The following DLG5 variants were observed in gnomAD, a reference collection of about 807,000 sequenced individuals.
DLG5 encodes the protein disks large homolog 5.
In DLG5, 48 loss-of-function variants were observed where a neutral mutation model predicts 189.8. The observed-to-expected ratio is 0.25, with a 90% CI of 0.20 to 0.32. The LOEUF (loss-of-function observed/expected upper bound fraction) is 0.32. Ranked by LOEUF, DLG5 falls within the 10% of genes least tolerant of loss-of-function variation. The pLI is 1.00. For missense variants in DLG5, 2,160 were observed against 2,544.7 expected, an observed-to-expected ratio of 0.85 and a Z score of 3.25; for synonymous variants, 1,016 against 1,054.1, an observed-to-expected ratio of 0.96 and a Z score of 0.70.
At chr10:77,853,264 G>A (rs1029260726) in intron 5 of DLG5, 90 bp downstream of exon 5, 15 of 1,234,182 alleles carry the variant, frequency 1.2e-5, no homozygotes, top group East Asian at 5.7e-5. Flanking sequence ...CAACGTGCCC[G>A]GCCCAGCATT....
At position 77,796,702 on chromosome 10, in the gene DLG5, C is replaced by T. The variant is rs1359972470; in HGVS notation, c.5165-108G>A. 1.4e-6 allele frequency: 2 copies of T among 1,384,760 alleles called. No homozygotes were observed. The highest frequency in any genetic ancestry group is 2.0e-6 in the Non-Finnish European group (2 of 1,007,464). 85.8% of individuals were successfully genotyped at this position (1,384,760 alleles called of 1,614,324 possible). On this transcript the variant is annotated intron_variant, in intron 27 of 31. Coordinates refer to ENST00000372391, the MANE Select transcript of DLG5 (RefSeq NM_004747.4). This position sits in a 1 kb window ranked among gnomAD's most constrained non-coding sequence, Gnocchi z 5.2. ...CTCGCCCACTCTGGTTTGCCTGGGA[C>T]TCCCCCAGCTTCAGCACTGAAAATC... is the stretch of plus-strand genomic sequence containing the variant.
At chr10:77,846,906 A>T (rs1258958165) in intron 5 of DLG5, among the ~76,000 whole-genome samples, 1 of 152,024 alleles carries the variant, frequency 6.6e-6, no homozygotes, top group African/African-American at 2.4e-5. Flanking sequence ...AACTCATTCC[A>T]AAGGCAGCCT....
chr10:77,815,616 G>A (rs1256204557), intron 20 of DLG5, among the ~76,000 whole-genome samples: 7 of 152,078 alleles, frequency 4.6e-5, no homozygotes, highest in African/African-American at 1.7e-4. Flanking sequence ...AGCCAAGATT[G>A]CACCACTGTA....
chr10:77,884,793 C>A (rs1406986271), intron 1 of DLG5, among the ~76,000 whole-genome samples: 2 of 152,124 alleles, frequency 1.3e-5, no homozygotes, highest in African/African-American at 2.4e-5. Context: ...CCAAGACGGG[C>A]CCTCAGATGT....
rs770615026 is a variant in DLG5 at position 77,816,610 on chromosome 10, G to A, written c.3966C>T (p.Ala1322=). ...LSSCSQSQTS[A]STLPRIAVNP... ...TGACAGCGATTCTGGGCAATGTGGA[G>A]GCTGAGGTCTGGGACTGGCTACAAG... Residue 1322 remains alanine (A), a synonymous_variant, in exon 20 of 32, where the codon GCC becomes GCT. Coordinates refer to ENST00000372391, the MANE Select transcript of DLG5 (RefSeq NM_004747.4). The A allele has an allele frequency of 3.7e-6, 6 of 1,614,090 alleles. No individual in the cohort carries two copies.
intron 1 of DLG5, among the ~76,000 whole-genome samples, chr10:77,916,053 C>T (rs1239643690): frequency 2.0e-5 from 3 of 151,520 alleles, no homozygotes; most frequent in African/African-American, 7.3e-5. Flanking sequence ...CTTGTCTCTA[C>T]TAAAAATAAA....
At chr10:77,938,216 G>A in the DLG5 span, among the ~76,000 whole-genome samples, 168 of 151,896 alleles carry the variant, frequency 1.1e-3, no homozygotes, top group South Asian at 0.017. Context: ...GGCCAAGGAA[G>A]GATGATCACT....
At chr10:77,792,682 A>T in intron 31 of DLG5, 139 bp from the exon 32 acceptor site, 1 of 712,220 alleles carries the variant, frequency 1.4e-6, no homozygotes, top group South Asian at 1.8e-5. Context: ...TCCCCACCTG[A>T]CTCTCCTTCA....
intron 3 of DLG5, among the ~76,000 whole-genome samples, chr10:77,855,399 CAA>C (rs1844182574): frequency 6.6e-6 from 1 of 152,228 alleles, no homozygotes; most frequent in African/African-American, 2.4e-5. Context: ...GGTGCATGCT[CAA>C]GTTTGAGGAC....
intron 1 of DLG5, among the ~76,000 whole-genome samples, chr10:77,885,522 G>T (rs950985124): frequency 6.6e-6 from 1 of 152,182 alleles, no homozygotes; most frequent in Non-Finnish European, 1.5e-5. Context: ...CACGACCCTG[G>T]AGTACAGCAA....
intron 1 of DLG5, among the ~76,000 whole-genome samples, chr10:77,877,581 C>CAGTG (rs1361732254): frequency 6.6e-6 from 1 of 152,114 alleles, no homozygotes; most frequent in Non-Finnish European, 1.5e-5. Context: ...GGAGGGAAGG[C>CAGTG]AGTGGGAGGA....
chr10:77,824,826 A>G (rs1842539324), intron 13 of DLG5: 1 of 224,006 alleles, frequency 4.5e-6, no homozygotes, highest in Non-Finnish European at 8.6e-6. Context: ...CACAGAGGAA[A>G]TGGAAGATAA....
chr10:77,880,939 A>C (rs1261323346), intron 1 of DLG5, among the ~76,000 whole-genome samples: 2 of 137,602 alleles, frequency 1.5e-5, no homozygotes, highest in Admixed American at 7.5e-5. Flanking sequence ...CTCAAGCAGG[A>C]CTCTCATCCA....
upstream of DLG5, chr10:77,929,045 A>C (rs983557569): frequency 2.0e-5 from 3 of 151,666 alleles, no homozygotes; most frequent in Middle Eastern, 3.2e-3. Context: ...AGAAAAAAAA[A>C]CTTATTTTTT....
rs1399298179 is a variant in DLG5 at position 77,919,013 on chromosome 10, C to T, written c.304+7204G>A. 2.6e-5 allele frequency among the ~76,000 whole-genome samples: 4 copies of T among 152,020 alleles called. No individual in the cohort carries two copies. In the East Asian group the frequency reaches 5.8e-4, roughly 22 times the overall value. On this transcript the variant is annotated intron_variant, in intron 1 of 31. Transcript: ENST00000372391. The stretch of plus-strand genomic sequence containing the variant: ...GGCGGATCACCTGAGGTCAGGAATT[C>T]GAGACCAGCCTGGCCAAGATGGCAA...
At chr10:77,836,001 C>G (rs959692561) in intron 7 of DLG5, 79 bp from the exon 8 acceptor site, 23 of 1,472,380 alleles carry the variant, frequency 1.6e-5, no homozygotes, top group Middle Eastern at 3.6e-4. Context: ...AGTGCGGGGG[C>G]CAAGGCTGAG....
chr10:77,826,962 A>G lies in DLG5; in HGVS notation c.2289+1920T>C, dbSNP rs1324335995. ...TACTCCATCTTAAAAAATAATAATA[A>G]AAACAAAAACAAAAAGCAAGATGAG... is the stretch of plus-strand genomic sequence containing the variant. On this transcript the variant is annotated intron_variant, in intron 13 of 31. Transcript: ENST00000372391. Among the ~76,000 whole-genome samples the G allele has an allele frequency of 2.0e-5, 3 of 152,226 alleles. No individual in the cohort carries two copies. The East Asian group carries it at 5.8e-4, about 29-fold the overall frequency.
intron 1 of DLG5, among the ~76,000 whole-genome samples, chr10:77,886,203 A>C (rs888085657): frequency 6.6e-6 from 1 of 152,150 alleles, no homozygotes; most frequent in Non-Finnish European, 1.5e-5. Context: ...CAGGCTTTTA[A>C]GATGCTGCTC....
intron 1 of DLG5, among the ~76,000 whole-genome samples, chr10:77,879,276 C>T (rs771451658): frequency 3.3e-5 from 5 of 152,042 alleles, no homozygotes; most frequent in Admixed American, 6.5e-5. Flanking sequence ...GGGGCCACCC[C>T]ATGCGGGGAG....
Sources: allele counts gnomAD v4.1 joint callset (sites outside exome capture counted in the v4.1 genomes callset), GRCh38; gene constraint gnomAD v4.1.1; non-coding constraint Gnocchi (gnomAD v3.1); transcripts MANE v1.5; gene names NCBI Gene and HGNC (gene_info 2026-07-23, HGNC 2026-07-21).